COPS2: variants seen among roughly 807,000 people sequenced by gnomAD.
COPS2 encodes the protein COP9 signalosome subunit 2, also known as COP9 signalosome complex subunit 2.
In COPS2, 10 loss-of-function variants were observed where a neutral mutation model predicts 66.1. The ratio of observed to expected loss-of-function variants is 0.15; its 90% CI spans 0.09 to 0.26. COPS2 has a LOEUF of 0.26. Among genes scored for constraint, COPS2 ranks in the 10% least tolerant of loss-of-function variants. The probability of loss-of-function intolerance (pLI) is 1.00; values close to 1 mark genes in which losing one functional copy is unlikely to be tolerated. For synonymous variants in COPS2, 179 were observed against 171.3 expected (o/e 1.04, Z -0.35); for missense variants, 215 against 513.3 (o/e 0.42, Z 5.62).
chr15:49,137,179 T>G lies in COPS2; in HGVS notation c.511A>C (p.Ile171Leu). ...CACGACTGATGTAACTGGCGTAAAA[T>G]TTTTTGAAGCTTTCCATATTCCTCT... Reference protein sequence around the residue: ...EREEYGKLQKILRQLHQSCQT... With the variant: ...EREEYGKLQKLLRQLHQSCQT... The change falls in exon 6 of 13, where the codon ATT (isoleucine) becomes CTT (leucine). Residue 171 changes from isoleucine to leucine, a missense_variant. Physicochemically the swap from Ile to Leu is conservative, Grantham distance 5. Around this residue, in one of 5 missense-constraint regions of COPS2, gnomAD observed 90 missense variants for 225.1 expected, o/e 0.40. Coordinates refer to ENST00000388901, the MANE Select transcript of COPS2 (RefSeq NM_004236.4). 6.2e-7 allele frequency: 1 copy of G among 1,604,004 alleles called. No homozygotes were observed. The highest frequency in any genetic ancestry group is 8.5e-7 in the Non-Finnish European group (1 of 1,177,020).
intron 4 of COPS2, 45 bp downstream of exon 4, chr15:49,139,480 AAAT>A (rs780169399): frequency 1.9e-5 from 28 of 1,482,080 alleles, no homozygotes; most frequent in Non-Finnish European, 2.5e-5. Flanking sequence ...CCCTTACTAT[AAAT>A]AATAAACACA....
At position 49,142,388 on chromosome 15, in the gene COPS2, C is replaced by T. The variant is rs1039293071; in HGVS notation, c.246+1839G>A. Among the ~76,000 whole-genome samples the T allele has an allele frequency of 2.6e-5, 4 of 152,162 alleles. No individual in the cohort carries two copies. The East Asian group carries it at 7.7e-4, about 29-fold the overall frequency. ...CCCTCCTATTAAAGGTGAGATAAACCATACCAGAGTGACAGTACCTCAAAA... is the reference window on the plus strand; with the variant it reads ...CCCTCCTATTAAAGGTGAGATAAACTATACCAGAGTGACAGTACCTCAAAA... On this transcript the variant is annotated intron_variant, in intron 3 of 12. Coordinates refer to ENST00000388901, the MANE Select transcript of COPS2 (RefSeq NM_004236.4).
chr15:49,149,014 G>T (rs1039212114), intron 1 of COPS2, among the ~76,000 whole-genome samples: 2 of 152,114 alleles, frequency 1.3e-5, no homozygotes, highest in African/African-American at 4.8e-5. Context: ...TAACAGAAGA[G>T]AAAGTGAAAT....
intron 1 of COPS2, among the ~76,000 whole-genome samples, chr15:49,154,465 CG>C (rs780321018): frequency 2.0e-4 from 31 of 152,146 alleles, no homozygotes; most frequent in Non-Finnish European, 3.7e-4. Flanking sequence ...AAAATATATA[CG>C]AAAAAGTTAT....
chr15:49,125,362 A>G lies in COPS2; in HGVS notation c.*2588T>C, dbSNP rs2084157438. The G allele has an allele frequency of 6.6e-6, 1 of 152,158 alleles. No individual in the cohort carries two copies. The highest frequency in any genetic ancestry group is 6.5e-5 in the Admixed American group (1 of 15,278). 9.4% of individuals were successfully genotyped at this position (152,158 alleles called of 1,614,324 possible). On this transcript the variant is annotated 3_prime_UTR_variant, in exon 13 of 13. Coordinates refer to ENST00000388901, the MANE Select transcript of COPS2 (RefSeq NM_004236.4). ...AAATCCAGCTCTTGTAGTAGAGAGCATCTACTTGTGGCAGCCAAAGATTTC... is the reference window on the plus strand; with the variant it reads ...AAATCCAGCTCTTGTAGTAGAGAGCGTCTACTTGTGGCAGCCAAAGATTTC...
intron 3 of COPS2, among the ~76,000 whole-genome samples, chr15:49,140,927 C>T (rs1032628543): frequency 1.3e-5 from 2 of 149,276 alleles, no homozygotes; most frequent in Non-Finnish European, 3.0e-5. Flanking sequence ...AACTTGAGAA[C>T]AATCCCTGAA....
intron 3 of COPS2, among the ~76,000 whole-genome samples, chr15:49,140,379 G>A (rs1158136628): frequency 1.3e-5 from 2 of 152,054 alleles, no homozygotes; most frequent in Non-Finnish European, 2.9e-5. Flanking sequence ...CCTTCCTCAG[G>A]AAGCTCTGCA....
chr15:49,153,922 T>C (rs1470515241), intron 1 of COPS2, among the ~76,000 whole-genome samples: 1 of 152,114 alleles, frequency 6.6e-6, no homozygotes, highest in East Asian at 1.9e-4. Context: ...TGGTTAATGG[T>C]ATGTACAAAC....
intron 1 of COPS2, among the ~76,000 whole-genome samples, chr15:49,151,800 CGTTTCT>C (rs2084363441): frequency 6.7e-6 from 1 of 148,272 alleles, no homozygotes; most frequent in Admixed American, 6.7e-5. Context: ...CTTTTATATT[CGTTTCT>C]TTTTTTTTTT....
intron 3 of COPS2, among the ~76,000 whole-genome samples, chr15:49,141,059 T>C (rs1190661016): frequency 6.6e-6 from 1 of 151,602 alleles, no homozygotes; most frequent in Non-Finnish European, 1.5e-5. Flanking sequence ...CCAAGTTTCA[T>C]GTGGGGGTAA....
chr15:49,143,291 T>C (rs1251082254), intron 3 of COPS2, among the ~76,000 whole-genome samples: 1 of 152,096 alleles, frequency 6.6e-6, no homozygotes, highest in Non-Finnish European at 1.5e-5. Flanking sequence ...ATTTTGGATT[T>C]TACTAAGGGA....
At chr15:49,151,805 C>CT (rs1279298178) in intron 1 of COPS2, among the ~76,000 whole-genome samples, 1,589 of 132,538 alleles carry the variant, frequency 0.012, 16 homozygotes, top group Non-Finnish European at 0.017. Context: ...ATATTCGTTT[C>CT]TTTTTTTTTT....
chr15:49,131,168 T>C (rs1046509491), intron 9 of COPS2, among the ~76,000 whole-genome samples: 2 of 152,118 alleles, frequency 1.3e-5, no homozygotes, highest in Non-Finnish European at 2.9e-5. Flanking sequence ...TCAAATGAAA[T>C]TGTGCATTTA....
chr15:49,142,218 A>G lies in COPS2; in HGVS notation c.246+2009T>C, dbSNP rs373736221. 1.1e-3 allele frequency among the ~76,000 whole-genome samples: 160 copies of G among 152,336 alleles called. 1 individual carries two copies. The highest frequency in any genetic ancestry group is 3.8e-3 in the African/African-American group (157 of 41,572). ...AGAAAGGGTAAATATAATGTAGATAATTTTCATTCTTTAACTAGATTTAAG... is the reference window on the plus strand; with the variant it reads ...AGAAAGGGTAAATATAATGTAGATAGTTTTCATTCTTTAACTAGATTTAAG... On this transcript the variant is annotated intron_variant, in intron 3 of 12. Transcript: ENST00000388901.
intron 1 of COPS2, among the ~76,000 whole-genome samples, chr15:49,155,070 A>C (rs973304334): frequency 1.3e-5 from 2 of 152,356 alleles, no homozygotes; most frequent in African/African-American, 2.4e-5. Context: ...TGGGAGCAGT[A>C]AGGACACCCC....
At chr15:49,149,572 G>A (rs2084344620) in intron 1 of COPS2, among the ~76,000 whole-genome samples, 1 of 152,154 alleles carries the variant, frequency 6.6e-6, no homozygotes, top group South Asian at 2.1e-4. Context: ...AAAACGCTTA[G>A]TGAGTGTTTG....
At chr15:49,138,520 C>A (rs1362438659) in intron 4 of COPS2, among the ~76,000 whole-genome samples, 1 of 152,150 alleles carries the variant, frequency 6.6e-6, no homozygotes, top group Non-Finnish European at 1.5e-5. Flanking sequence ...AAACAGTATA[C>A]AAAATATGTT....
At chr15:49,134,799 T>C (rs917260511) in intron 6 of COPS2, among the ~76,000 whole-genome samples, 4 of 152,206 alleles carry the variant, frequency 2.6e-5, no homozygotes, top group Admixed American at 6.5e-5. Flanking sequence ...GTCCAGTGGA[T>C]GCCTGAAACT....
intron 1 of COPS2, among the ~76,000 whole-genome samples, chr15:49,155,142 C>G (rs77935233): frequency 1.3e-5 from 2 of 152,364 alleles, no homozygotes; most frequent in African/African-American, 4.8e-5. Context: ...AAGTGGGGGC[C>G]CGGAACGCTG....
Sources: allele counts gnomAD v4.1 joint callset (sites outside exome capture counted in the v4.1 genomes callset), GRCh38; gene constraint gnomAD v4.1.1; regional missense constraint gnomAD v4.1.1; transcripts MANE v1.5; gene names NCBI Gene and HGNC (gene_info 2026-07-23, HGNC 2026-07-21).